The following HDAC9 variants were observed in gnomAD, a reference collection of about 807,000 sequenced individuals.
HDAC9 encodes histone deacetylase 9.
HDAC9 carries 41 observed loss-of-function variants against 139.4 expected under a neutral mutation model. The ratio of observed to expected loss-of-function variants is 0.29; its 90% CI spans 0.23 to 0.38. HDAC9 has a LOEUF of 0.38. Among genes scored for constraint, HDAC9 ranks in the 10% least tolerant of loss-of-function variants. The pLI, the probability that HDAC9 is intolerant of heterozygous loss-of-function variation, is 1.00. For synonymous variants in HDAC9, 517 were observed against 476.2 expected (o/e 1.09, Z -1.12); for missense variants, 1,147 against 1,297.0 (o/e 0.88, Z 1.78).
intron 2 of HDAC9, among the ~76,000 whole-genome samples, chr7:18,229,386 T>C (rs1179184845): frequency 6.6e-6 from 1 of 152,226 alleles, no homozygotes; most frequent in Non-Finnish European, 1.5e-5. Flanking sequence ...AGCACAGTGC[T>C]TAGAAAATTG....
intron 6 of HDAC9, among the ~76,000 whole-genome samples, chr7:18,601,111 C>T (rs73063104): frequency 0.072 from 10,981 of 152,220 alleles, 804 homozygotes; most frequent in East Asian, 0.33. Context: ...TCCATGAATA[C>T]GAATAATTCT....
chr7:18,943,153 T>C (rs892808850), intron 23 of HDAC9, among the ~76,000 whole-genome samples: 1 of 151,978 alleles, frequency 6.6e-6, no homozygotes, highest in East Asian at 1.9e-4. Context: ...TTCATAACAA[T>C]TGATATCCAG....
intron 2 of HDAC9, among the ~76,000 whole-genome samples, chr7:18,244,606 T>G (rs898479948): frequency 5.9e-5 from 9 of 151,990 alleles, no homozygotes; most frequent in Non-Finnish European, 1.2e-4. Flanking sequence ...AGACCATCCT[T>G]GCTAACATGG....
At chr7:18,681,864 C>A (rs1305865134) in intron 12 of HDAC9, among the ~76,000 whole-genome samples, 2 of 152,016 alleles carry the variant, frequency 1.3e-5, no homozygotes, top group African/African-American at 4.8e-5. Flanking sequence ...AGGACCTATA[C>A]TGAATAAATG....
At chr7:18,972,358 G>T (rs775014482) in intron 24 of HDAC9, among the ~76,000 whole-genome samples, 1 of 143,566 alleles carries the variant, frequency 7.0e-6, no homozygotes. Context: ...CTCAATTTTC[G>T]ATGAACTTCT....
At chr7:18,590,185 C>A in intron 3 of HDAC9, 151 bp from the exon 4 acceptor site, 1 of 824,198 alleles carries the variant, frequency 1.2e-6, no homozygotes, top group Non-Finnish European at 1.9e-6. Context: ...AGTTGCTTGT[C>A]CTTAGATTTC....
intron 2 of HDAC9, among the ~76,000 whole-genome samples, chr7:18,248,035 C>T (rs919409175): frequency 6.6e-6 from 1 of 152,046 alleles, no homozygotes; most frequent in Admixed American, 6.5e-5. Flanking sequence ...CTTGGAAAAA[C>T]AGGAAATTAT....
Position 18,981,840 on chromosome 7 carries a change from G to A in HDAC9, c.3170+5887G>A, listed in dbSNP as rs538326345. 3.1e-4 allele frequency among the ~76,000 whole-genome samples: 47 copies of A among 152,214 alleles called. 1 individual carries two copies. Among genetic ancestry groups the A allele is most frequent in the African/African-American group, 1.1e-3 (47 of 41,536 alleles). ...TCACACGTTCCAAGGATTAGGAAGT[G>A]GATAGCTTTGGGGACTATTATTCTT... On this transcript the variant is annotated intron_variant, in intron 25 of 25. Transcript: ENST00000686413.
intron 1 of HDAC9, among the ~76,000 whole-genome samples, chr7:18,146,508 A>C (rs564848178): frequency 6.6e-6 from 1 of 152,252 alleles, no homozygotes; most frequent in East Asian, 1.9e-4. Flanking sequence ...CATAGGTATT[A>C]AGTTATGTAC....
chr7:18,595,049 C>T (rs1583849624), intron 6 of HDAC9, among the ~76,000 whole-genome samples: 1 of 151,830 alleles, frequency 6.6e-6, no homozygotes, highest in Admixed American at 6.6e-5. Flanking sequence ...AAAACACATG[C>T]CGAAGCTATT....
intron 1 of HDAC9, among the ~76,000 whole-genome samples, chr7:18,488,696 T>C (rs552875319): frequency 6.6e-6 from 1 of 152,046 alleles, no homozygotes; most frequent in Non-Finnish European, 1.5e-5. Flanking sequence ...GGTTCATTAC[T>C]GTAAAGCAGA....
rs545270372 is a variant in HDAC9, at chr7:18,522,617, C to CA, written c.22+26304dup. Among the ~76,000 whole-genome samples the CA allele has an allele frequency of 1.8e-3, 241 of 130,334 alleles. 1 individual carries two copies. The highest frequency in any genetic ancestry group is 9.7e-3 in the East Asian group (43 of 4,450). The allele number at this position is 130,334 out of a possible 152,430, so 85.5% of individuals were successfully genotyped here. On this transcript the variant is annotated intron_variant, in intron 2 of 25. Coordinates refer to ENST00000686413, the MANE Select transcript of HDAC9 (RefSeq NM_178425.4). ...TTTAAAAAAAACAAAAAACAAAAAA[C>CA]AAAAAAAAAAACATCTAATGAGCAA...
intron 1 of HDAC9, among the ~76,000 whole-genome samples, chr7:18,458,141 G>A (rs1025690117): frequency 6.6e-6 from 1 of 152,178 alleles, no homozygotes; most frequent in Non-Finnish European, 1.5e-5. Flanking sequence ...CCAGGGAAGT[G>A]TTGCATTATC....
At chr7:18,536,289 G>A (rs1311388942) in intron 2 of HDAC9, among the ~76,000 whole-genome samples, 1 of 152,064 alleles carries the variant, frequency 6.6e-6, no homozygotes. Flanking sequence ...TGCTTTCTTG[G>A]CTGCCTTCCT....
At chr7:18,844,367 T>G (rs2129218215) in intron 21 of HDAC9, among the ~76,000 whole-genome samples, 1 of 152,208 alleles carries the variant, frequency 6.6e-6, no homozygotes, top group Non-Finnish European at 1.5e-5. Context: ...AACTTCAAAG[T>G]GGAGAGAAGA....
chr7:18,376,221 A>C (rs1228899864), intron 1 of HDAC9, among the ~76,000 whole-genome samples: 2 of 152,204 alleles, frequency 1.3e-5, no homozygotes, highest in Admixed American at 6.5e-5. Flanking sequence ...CCATGAAAGA[A>C]GAGAAGTGGG....
intron 6 of HDAC9, among the ~76,000 whole-genome samples, chr7:18,617,101 A>G (rs1275380066): frequency 6.6e-6 from 1 of 151,824 alleles, no homozygotes; most frequent in African/African-American, 2.4e-5. Context: ...TTGCTGTTAA[A>G]TCTCCCCTTT....
intron 2 of HDAC9, among the ~76,000 whole-genome samples, chr7:18,171,842 G>T (rs565448580): frequency 1.2e-3 from 178 of 152,288 alleles, no homozygotes; most frequent in African/African-American, 4.2e-3. Flanking sequence ...GCTGGATTTG[G>T]TTTGCCAGTA....
intron 13 of HDAC9, among the ~76,000 whole-genome samples, chr7:18,738,198 C>G (rs1295652349): frequency 1.3e-5 from 2 of 152,164 alleles, no homozygotes; most frequent in African/African-American, 4.8e-5. Flanking sequence ...ACTGATGGAT[C>G]TTGACTCATT....
Sources: gnomAD v4.1 joint callset for allele counts (sites outside exome capture counted in the v4.1 genomes callset) on GRCh38, gnomAD v4.1.1 for gene constraint, MANE v1.5 for transcripts, NCBI Gene and HGNC (gene_info 2026-07-23, HGNC 2026-07-21) for gene names.